The following NTM variants were observed in gnomAD, a reference collection of about 807,000 sequenced individuals.
The protein encoded by NTM is IgLON family member 2.
Under a neutral mutation model 42.1 loss-of-function variants are expected in NTM, and 13 were observed. The ratio of observed to expected loss-of-function variants is 0.31; its 90% confidence interval spans 0.20 to 0.49. The LOEUF (loss-of-function observed/expected upper bound fraction) is 0.49. NTM is among the 20% of genes least tolerant of loss of function. The probability of loss-of-function intolerance (pLI) is 0.99; values close to 1 mark genes in which losing one functional copy is unlikely to be tolerated. For missense variants in NTM, 373 were observed against 452.8 expected, an observed-to-expected ratio of 0.82 and a Z score of 1.60; for synonymous variants, 187 against 179.2, an observed-to-expected ratio of 1.04 and a Z score of -0.35.
At chr11:132,125,895 C>A (rs900825802) in intron 2 of NTM, among the ~76,000 whole-genome samples, 5 of 107,614 alleles carry the variant, frequency 4.6e-5, no homozygotes, top group African/African-American at 1.7e-4. Flanking sequence ...GGTGTGTGTG[C>A]GTGCATGTGT....
chr11:131,395,247 G>C (rs891135919), intron 1 of NTM, among the ~76,000 whole-genome samples: 12 of 152,220 alleles, frequency 7.9e-5, no homozygotes, highest in Non-Finnish European at 1.3e-4. Flanking sequence ...GCACATTTCA[G>C]TTGAAGTCCC....
chr11:131,834,945 G>A (rs1484285367), intron 1 of NTM, among the ~76,000 whole-genome samples: 2 of 151,610 alleles, frequency 1.3e-5, no homozygotes, highest in African/African-American at 4.8e-5. Context: ...TCAGAGAGAG[G>A]TCACCACCAT....
intron 2 of NTM, among the ~76,000 whole-genome samples, chr11:132,086,323 C>CAAAAAAA (rs71067358): frequency 6.7e-4 from 66 of 98,916 alleles, no homozygotes; most frequent in African/African-American, 8.3e-4. Context: ...GACTCCATGT[C>CAAAAAAA]AAAAAAAAAA....
At chr11:131,777,043 T>A in intron 1 of NTM, 1 of 851,832 alleles carries the variant, frequency 1.2e-6, no homozygotes, top group South Asian at 5.4e-5. Flanking sequence ...GAATTTTGGG[T>A]GGCAGAAAGT....
intron 1 of NTM, among the ~76,000 whole-genome samples, chr11:131,770,013 C>T (rs1168716021): frequency 2.0e-5 from 3 of 152,174 alleles, no homozygotes; most frequent in African/African-American, 7.2e-5. Context: ...CAGATCTCTC[C>T]TTCCCTCTGA....
At chr11:131,715,106 G>A (rs2077550917) in intron 1 of NTM, among the ~76,000 whole-genome samples, 1 of 152,186 alleles carries the variant, frequency 6.6e-6, no homozygotes, top group Admixed American at 6.5e-5. Context: ...AAAAGGGTGA[G>A]TATTAGATGT....
intron 1 of NTM, among the ~76,000 whole-genome samples, chr11:131,492,496 T>C (rs1253390371): frequency 1.3e-5 from 2 of 151,974 alleles, no homozygotes; most frequent in Non-Finnish European, 2.9e-5. Flanking sequence ...CAAAGAAAAA[T>C]ATGTAGCTTA....
chr11:132,085,329 T>A (rs1392321988), intron 2 of NTM, among the ~76,000 whole-genome samples: 1 of 152,218 alleles, frequency 6.6e-6, no homozygotes, highest in East Asian at 1.9e-4. Context: ...TTGTTTTAAT[T>A]ATGCAGTAGG....
intron 3 of NTM, among the ~76,000 whole-genome samples, chr11:132,186,196 C>G (rs951394045): frequency 6.6e-6 from 1 of 152,216 alleles, no homozygotes; most frequent in African/African-American, 2.4e-5. Context: ...CGGTGGCTCT[C>G]TCATCACTGG....
chr11:131,924,588 G>T (rs1295440348), intron 2 of NTM, among the ~76,000 whole-genome samples: 1 of 152,090 alleles, frequency 6.6e-6, no homozygotes, highest in Non-Finnish European at 1.5e-5. Context: ...AATTCTTTAT[G>T]TTCTTTCCTT....
In NTM at chr11:131,495,192, T is replaced by C. The variant is rs1018708562; in HGVS notation, c.82+124304T>C. Among the ~76,000 whole-genome samples the C allele has an allele frequency of 1.5e-4, 23 of 152,180 alleles. No individual in the cohort carries two copies. In the South Asian group the frequency reaches 1.9e-3, roughly 12 times the overall value. Reference sequence around the variant, plus strand: ...GTTTTTGGGTCTTTGGGCCTACACATAGCCGCTAGTTCCCAGCATGGTCCC... The same window carrying C: ...GTTTTTGGGTCTTTGGGCCTACACACAGCCGCTAGTTCCCAGCATGGTCCC... On this transcript the variant is annotated intron_variant, in intron 1 of 8. Coordinates refer to ENST00000683400, the MANE Select transcript of NTM (RefSeq NM_001352005.2).
intron 1 of NTM, among the ~76,000 whole-genome samples, chr11:131,424,078 CTAA>C (rs1272112004): frequency 1.3e-5 from 2 of 152,160 alleles, no homozygotes; most frequent in African/African-American, 4.8e-5. Context: ...CAAATAAACT[CTAA>C]TGACTTTCTT....
At chr11:131,515,637 G>A (rs1378017176) in intron 1 of NTM, among the ~76,000 whole-genome samples, 1 of 152,210 alleles carries the variant, frequency 6.6e-6, no homozygotes, top group African/African-American at 2.4e-5. Context: ...TTTTAGGGAT[G>A]TGTGATTCTG....
At chr11:131,714,115 C>G (rs553492434) in intron 1 of NTM, among the ~76,000 whole-genome samples, 17 of 152,186 alleles carry the variant, frequency 1.1e-4, no homozygotes, top group Admixed American at 5.9e-4. Flanking sequence ...TCATAGGGCA[C>G]ATGCTTAAGC....
intron 1 of NTM, among the ~76,000 whole-genome samples, chr11:131,848,959 A>G (rs1438954383): frequency 6.6e-6 from 1 of 152,212 alleles, no homozygotes; most frequent in Non-Finnish European, 1.5e-5. Context: ...TGCCAAGTGG[A>G]TGACTTTTCT....
chr11:131,399,533 G>C (rs1349874314), intron 1 of NTM, among the ~76,000 whole-genome samples: 1 of 152,202 alleles, frequency 6.6e-6, no homozygotes, highest in Non-Finnish European at 1.5e-5. Context: ...GGAGACTGAA[G>C]AGGATAGTTG....
chr11:131,617,075 G>T (rs1337059659), intron 1 of NTM, among the ~76,000 whole-genome samples: 1 of 152,136 alleles, frequency 6.6e-6, no homozygotes, highest in African/African-American at 2.4e-5. Flanking sequence ...GGCAAAGTCA[G>T]AATTGTGGGG....
chr11:132,071,966 C>T (rs972278377), intron 2 of NTM, among the ~76,000 whole-genome samples: 1 of 152,076 alleles, frequency 6.6e-6, no homozygotes, highest in African/African-American at 2.4e-5. Flanking sequence ...TTGGAGAACT[C>T]AGAGGTAATA....
chr11:131,630,378 G>A (rs538357697), intron 1 of NTM, among the ~76,000 whole-genome samples: 11 of 152,246 alleles, frequency 7.2e-5, no homozygotes, highest in African/African-American at 2.6e-4. Flanking sequence ...CAAAGATTTG[G>A]ACAAGCTCTT....
Sources: allele counts gnomAD v4.1 joint callset (sites outside exome capture counted in the v4.1 genomes callset), GRCh38; gene constraint gnomAD v4.1.1; transcripts MANE v1.5; gene names NCBI Gene and HGNC (gene_info 2026-07-23, HGNC 2026-07-21).